The following DLEU7 variants were observed in gnomAD, a reference collection of about 807,000 sequenced individuals.
DLEU7 encodes the protein leukemia-associated protein 7.
Under a neutral mutation model 16.0 loss-of-function variants are expected in DLEU7, and 17 were observed. The ratio of observed to expected loss-of-function variants is 1.06; its 90% CI spans 0.73 to 1.59. The LOEUF is 1.59. Ranked by LOEUF, DLEU7 falls within the 40% of genes most tolerant of loss-of-function variation. The pLI, the probability that DLEU7 is intolerant of heterozygous loss-of-function variation, is 0.00. For synonymous variants in DLEU7, 113 were observed against 139.8 expected, an observed-to-expected ratio of 0.81 and a Z score of 1.35; for missense variants, 308 against 314.9, an observed-to-expected ratio of 0.98 and a Z score of 0.17.
At position 50,843,361 on chromosome 13, in the gene DLEU7, C is replaced by G. The variant is rs568190318; in HGVS notation, c.286G>C (p.Gly96Arg). The G allele has an allele frequency of 1.7e-5, 24 of 1,426,462 alleles. No individual in the cohort carries two copies. The highest frequency in any genetic ancestry group is 1.5e-5 in the African/African-American group (1 of 66,796). The allele number at this position is 1,426,462 out of a possible 1,614,324, so 88.4% of individuals were successfully genotyped here. A position where few individuals can be genotyped will look rare whatever the true frequency, so the allele number is the denominator to read the frequency against. ...PEEEVVRGAE[G>R]GAELLPFPRD... is the part of the protein sequence containing the mutation. ...GGGAAGGGCAGCAACTCGGCGCCCC[C>G]CTCAGCGCCTCGCACTACCTCCTCC... Residue 96 changes from glycine to arginine, a missense_variant, in exon 1 of 2, where the codon GGG (glycine) becomes CGG (arginine). Gly to Arg is a moderately radical substitution (Grantham distance 125). Coordinates refer to ENST00000504404, the MANE Select transcript of DLEU7 (RefSeq NM_001306135.2). This position sits in a 1 kb window ranked among gnomAD's most constrained non-coding sequence, Gnocchi z 5.7.
chr13:50,756,825 G>A (rs1162406428), intron 1 of DLEU7, among the ~76,000 whole-genome samples: 1 of 152,032 alleles, frequency 6.6e-6, no homozygotes, highest in South Asian at 2.1e-4. Context: ...CTGCCCTCCC[G>A]AAGGATCCCT....
intron 1 of DLEU7, among the ~76,000 whole-genome samples, chr13:50,794,492 G>A (rs1876055097): frequency 6.6e-6 from 1 of 152,176 alleles, no homozygotes; most frequent in Non-Finnish European, 1.5e-5. Flanking sequence ...CAGGGCTTCT[G>A]ACTCCTATTC....
chr13:50,823,083 G>A lies in DLEU7; in HGVS notation c.*231C>T. 7.8e-7 allele frequency: 1 copy of A among 1,288,814 alleles called. No individual in the cohort carries two copies. Among genetic ancestry groups the A allele is most frequent in the Non-Finnish European group, 9.9e-7 (1 of 1,014,540 alleles). The allele number at this position is 1,288,814 out of a possible 1,614,324, so 79.8% of individuals were successfully genotyped here. On this transcript the variant is annotated 3_prime_UTR_variant, in exon 2 of 2. Transcript: ENST00000504404. ...AGAATGTATTTCAATCAGAAAGTCA[G>A]CAAATAGGTCAATATACTTAAAAAT...
intron 1 of DLEU7, among the ~76,000 whole-genome samples, chr13:50,841,092 C>G (rs1390231347): frequency 6.6e-6 from 1 of 152,146 alleles, no homozygotes; most frequent in African/African-American, 2.4e-5. Context: ...TGAGTTGGGT[C>G]AAGCCCTTAG....
At chr13:50,716,375 A>G (rs111497204) in intron 1 of DLEU7, among the ~76,000 whole-genome samples, 5 of 152,238 alleles carry the variant, frequency 3.3e-5, no homozygotes, top group Non-Finnish European at 7.3e-5. Context: ...TTTATATGCT[A>G]TATTATTTAC....
At chr13:50,808,230 G>C (rs1876450960) in intron 1 of DLEU7, among the ~76,000 whole-genome samples, 1 of 152,108 alleles carries the variant, frequency 6.6e-6, no homozygotes, top group Non-Finnish European at 1.5e-5. Context: ...ACCTTCCCTG[G>C]TGGGGCCATA....
At chr13:50,711,779 G>GGGGCGGC (rs1555287139), downstream of DLEU7, 5 of 135,682 alleles carry the variant, frequency 3.7e-5, 2 homozygotes, top group African/African-American at 1.6e-4. Flanking sequence ...TGGCGGGGGC[G>GGGGCGGC]GGGGGCATTA....
intron 1 of DLEU7, among the ~76,000 whole-genome samples, chr13:50,796,068 T>C (rs571618828): frequency 1.6e-5 from 2 of 128,218 alleles, no homozygotes; most frequent in Admixed American, 1.6e-4. Flanking sequence ...CACCAGGATA[T>C]ATATAATATT....
chr13:50,794,176 A>G (rs939009978), intron 1 of DLEU7, among the ~76,000 whole-genome samples: 2 of 152,116 alleles, frequency 1.3e-5, no homozygotes, highest in African/African-American at 4.8e-5. Context: ...TGTATTCACC[A>G]CTGTATCCTA....
At chr13:50,745,284 T>G (rs1874361896) in intron 1 of DLEU7, among the ~76,000 whole-genome samples, 1 of 152,192 alleles carries the variant, frequency 6.6e-6, no homozygotes. Flanking sequence ...TTGAGGACAT[T>G]ATGTTAAGTG....
Position 50,755,754 on chromosome 13 carries a change from A to AGG in DLEU7, c.460-42516_460-42515dup, listed in dbSNP as rs35989951. Among the ~76,000 whole-genome samples the AGG allele has an allele frequency of 3.3e-5, 5 of 149,376 alleles. No individual in the cohort carries two copies. In the East Asian group the frequency reaches 9.9e-4, roughly 30 times the overall value. On this transcript the variant is annotated intron_variant, in intron 1 of 1. Coordinates refer to the DLEU7 transcript ENST00000400393. ...GGTGAGCTAATGTGATTTTTTTTTG[A>AGG]GGGGGGGGGCACGGTATTAAAGAAC...
intron 1 of DLEU7, among the ~76,000 whole-genome samples, chr13:50,827,673 C>A (rs912930894): frequency 1.3e-5 from 2 of 152,036 alleles, no homozygotes; most frequent in African/African-American, 4.8e-5. Context: ...GGCAACAGAG[C>A]GAGACCCTGT....
At chr13:50,743,623 A>G (rs1419437511) in intron 1 of DLEU7, among the ~76,000 whole-genome samples, 2 of 152,334 alleles carry the variant, frequency 1.3e-5, no homozygotes, top group East Asian at 3.9e-4. Context: ...AAACCACTGT[A>G]ATTAATTAGA....
chr13:50,724,433 A>T (rs1249035155), intron 1 of DLEU7, among the ~76,000 whole-genome samples: 1 of 152,160 alleles, frequency 6.6e-6, no homozygotes, highest in African/African-American at 2.4e-5. Context: ...AGATATTATT[A>T]AAAAGATGCT....
At chr13:50,784,103 A>C (rs1875733896) in intron 1 of DLEU7, among the ~76,000 whole-genome samples, 1 of 152,222 alleles carries the variant, frequency 6.6e-6, no homozygotes, top group Non-Finnish European at 1.5e-5. Flanking sequence ...AAATGTCTAG[A>C]GCTGTGAGAT....
At chr13:50,779,861 A>C (rs1406503350) in intron 1 of DLEU7, among the ~76,000 whole-genome samples, 2 of 152,142 alleles carry the variant, frequency 1.3e-5, no homozygotes, top group Non-Finnish European at 2.9e-5. Flanking sequence ...TGATTCGTCA[A>C]AGAGAGTTTT....
At chr13:50,727,868 C>A (rs1873808840) in intron 1 of DLEU7, among the ~76,000 whole-genome samples, 1 of 152,240 alleles carries the variant, frequency 6.6e-6, no homozygotes. Context: ...TCCCCAGCCT[C>A]TTCCAGAATG....
intron 1 of DLEU7, among the ~76,000 whole-genome samples, chr13:50,807,504 G>A (rs1285942959): frequency 8.0e-5 from 12 of 150,574 alleles, no homozygotes; most frequent in African/African-American, 2.7e-4. Flanking sequence ...GGTTTTTTTG[G>A]TGTTTTTTTT....
downstream of DLEU7, among the ~76,000 whole-genome samples, chr13:50,821,869 A>G (rs911492560): frequency 2.0e-5 from 3 of 152,320 alleles, no homozygotes; most frequent in East Asian, 3.9e-4. Context: ...CTCATCATAA[A>G]AGAAAGGCAT....
Sources: allele counts gnomAD v4.1 joint callset (sites outside exome capture counted in the v4.1 genomes callset), GRCh38; gene constraint gnomAD v4.1.1; non-coding constraint Gnocchi (gnomAD v3.1); transcripts MANE v1.5; gene names NCBI Gene and HGNC (gene_info 2026-07-23, HGNC 2026-07-21).